CNTN4: variants seen among roughly 807,000 people sequenced by gnomAD.
CNTN4 encodes contactin-4.
CNTN4 carries 77 observed loss-of-function variants against 122.5 expected under a neutral mutation model. That is an observed-to-expected ratio of 0.63 (90% CI 0.52 to 0.76). The LOEUF is 0.76. Among genes scored for constraint, CNTN4 ranks in the 30% least tolerant of loss-of-function variants. The pLI is 0.00. For missense variants in CNTN4, 1,256 were observed against 1,259.1 expected, an observed-to-expected ratio of 1.00 and a Z score of 0.04; for synonymous variants, 512 against 447.0, an observed-to-expected ratio of 1.15 and a Z score of -1.83.
intron 13 of CNTN4, among the ~76,000 whole-genome samples, chr3:2,970,458 T>C (rs1381565308): frequency 6.6e-6 from 1 of 152,070 alleles, no homozygotes; most frequent in African/African-American, 2.4e-5. Flanking sequence ...ACTTTTTTTT[T>C]TAATTGAGAC....
At chr3:2,882,473 C>T (rs936223566) in intron 8 of CNTN4, among the ~76,000 whole-genome samples, 8 of 152,122 alleles carry the variant, frequency 5.3e-5, no homozygotes, top group African/African-American at 1.9e-4. Flanking sequence ...ATTGTAGAGT[C>T]ATTTTCCGGG....
rs78171697 is a variant in CNTN4, at chr3:2,273,016, T to C, written c.-144-66162T>C. On this transcript the variant is annotated intron_variant, in intron 2 of 24. Transcript: ENST00000418658. ...GGAATTATCTTCAAAAATATCAACA[T>C]AGGATATAACTTTCTCTCTTAGATT... Among the ~76,000 whole-genome samples, 1,300 of 152,272 alleles carry C rather than the reference T, an allele frequency of 8.5e-3. 18 individuals are homozygous for C. Among genetic ancestry groups the C allele is most frequent in the African/African-American group, 0.028 (1,159 of 41,534 alleles).
intron 6 of CNTN4, among the ~76,000 whole-genome samples, chr3:2,750,314 T>C (rs2090027946): frequency 2.0e-5 from 3 of 152,264 alleles, no homozygotes; most frequent in South Asian, 4.1e-4. Context: ...ATTCAGAAGA[T>C]AGTCTTATAA....
At chr3:2,220,461 G>A (rs2039019069) in intron 2 of CNTN4, among the ~76,000 whole-genome samples, 1 of 152,060 alleles carries the variant, frequency 6.6e-6, no homozygotes, top group Admixed American at 6.5e-5. Flanking sequence ...TGATTCCATT[G>A]AATTTACTGG....
At position 2,277,240 on chromosome 3, in the gene CNTN4, C is replaced by A. The variant is rs537961909; in HGVS notation, c.-144-61938C>A. ...ATTTAAATACGTAATTTAATTGTTTCTCTTTTCTTGTTAGAGAAAGGTGGT... is the reference window on the plus strand; with the variant it reads ...ATTTAAATACGTAATTTAATTGTTTATCTTTTCTTGTTAGAGAAAGGTGGT... On this transcript the variant is annotated intron_variant, in intron 2 of 24. Coordinates refer to ENST00000418658, the MANE Select transcript of CNTN4 (RefSeq NM_175607.3). 5.3e-5 allele frequency among the ~76,000 whole-genome samples: 8 copies of A among 152,158 alleles called. No individual in the cohort carries two copies. The South Asian group carries it at 1.7e-3, about 32-fold the overall frequency.
At chr3:2,936,461 C>T (rs1178925317) in intron 13 of CNTN4, among the ~76,000 whole-genome samples, 2 of 152,182 alleles carry the variant, frequency 1.3e-5, no homozygotes, top group Non-Finnish European at 2.9e-5. Context: ...GGTATGACAA[C>T]GTAGCAGTGG....
At chr3:2,732,847 TA>T (rs2149470296) in intron 4 of CNTN4, among the ~76,000 whole-genome samples, 1 of 152,320 alleles carries the variant, frequency 6.6e-6, no homozygotes, top group South Asian at 2.1e-4. Context: ...TGAGCCCAAA[TA>T]GCTCGTGCAC....
At chr3:2,216,838 A>G (rs2038861668) in intron 2 of CNTN4, among the ~76,000 whole-genome samples, 1 of 152,094 alleles carries the variant, frequency 6.6e-6, no homozygotes, top group Non-Finnish European at 1.5e-5. Flanking sequence ...TTGCGGTCTC[A>G]GTCTTATCAA....
intron 2 of CNTN4, among the ~76,000 whole-genome samples, chr3:2,186,547 G>A (rs954110505): frequency 4.3e-4 from 65 of 152,232 alleles, no homozygotes; most frequent in South Asian, 1.5e-3. Flanking sequence ...AGTCCCACCA[G>A]CAGTGTAAAA....
At chr3:2,389,379 T>C (rs1021209164) in intron 3 of CNTN4, among the ~76,000 whole-genome samples, 1 of 140,690 alleles carries the variant, frequency 7.1e-6, no homozygotes, top group Admixed American at 7.2e-5. Context: ...GTGATGTATC[T>C]TCACATGGCT....
intron 2 of CNTN4, among the ~76,000 whole-genome samples, chr3:2,315,418 G>A (rs1463824716): frequency 6.6e-6 from 1 of 152,010 alleles, no homozygotes; most frequent in Non-Finnish European, 1.5e-5. Context: ...GAAGTAAAGA[G>A]AGGCACTTGG....
chr3:3,027,396 A>C (rs1698818330), intron 15 of CNTN4, among the ~76,000 whole-genome samples: 1 of 152,202 alleles, frequency 6.6e-6, no homozygotes, highest in African/African-American at 2.4e-5. Context: ...AGGCTGGATG[A>C]AATTGCCAGC....
At chr3:2,957,443 A>G (rs923959554) in intron 13 of CNTN4, among the ~76,000 whole-genome samples, 3 of 151,788 alleles carry the variant, frequency 2.0e-5, no homozygotes, top group African/African-American at 7.3e-5. Flanking sequence ...TTCTTTTTTT[A>G]TTTCAACTTT....
chr3:2,487,102 G>T (rs904025025), intron 3 of CNTN4, among the ~76,000 whole-genome samples: 1 of 152,054 alleles, frequency 6.6e-6, no homozygotes, highest in African/African-American at 2.4e-5. Flanking sequence ...GATCCACAAA[G>T]GGCAGTTTGT....
At chr3:2,424,842 C>T (rs2047755597) in intron 3 of CNTN4, among the ~76,000 whole-genome samples, 1 of 152,118 alleles carries the variant, frequency 6.6e-6, no homozygotes, top group Non-Finnish European at 1.5e-5. Flanking sequence ...TTTCATGTGT[C>T]TGTTGGCTGC....
chr3:2,805,823 A>C (rs1323712011), intron 6 of CNTN4, among the ~76,000 whole-genome samples: 2 of 152,142 alleles, frequency 1.3e-5, no homozygotes, highest in African/African-American at 4.8e-5. Context: ...TGCAGATGGA[A>C]TGTTGATTGG....
At chr3:2,178,641 G>C (rs776436770) in intron 2 of CNTN4, among the ~76,000 whole-genome samples, 3 of 152,060 alleles carry the variant, frequency 2.0e-5, no homozygotes, top group African/African-American at 4.8e-5. Context: ...ACTTAATGCA[G>C]TTCTAGACTG....
intron 3 of CNTN4, among the ~76,000 whole-genome samples, chr3:2,438,208 A>G (rs1056730785): frequency 5.9e-5 from 9 of 152,134 alleles, no homozygotes; most frequent in African/African-American, 2.2e-4. Flanking sequence ...AATTTTCAGG[A>G]TATTCCTTTA....
chr3:2,445,949 A>G (rs2048610880), intron 3 of CNTN4, among the ~76,000 whole-genome samples: 1 of 152,122 alleles, frequency 6.6e-6, no homozygotes, highest in Non-Finnish European at 1.5e-5. Context: ...GAGGGTAGTG[A>G]CTACATCCTA....
Sources: gnomAD v4.1 joint callset for allele counts (sites outside exome capture counted in the v4.1 genomes callset) on GRCh38, gnomAD v4.1.1 for gene constraint, MANE v1.5 for transcripts, NCBI Gene and HGNC (gene_info 2026-07-23, HGNC 2026-07-21) for gene names.